CREB3L2: variants seen among roughly 807,000 people sequenced by gnomAD.
CREB3L2 encodes cyclic AMP-responsive element-binding protein 3-like protein 2.
Under a neutral mutation model 57.2 loss-of-function variants are expected in CREB3L2, and 23 were observed. The ratio of observed to expected loss-of-function variants is 0.40; its 90% CI spans 0.29 to 0.57. The LOEUF is 0.57. Ranked by LOEUF, CREB3L2 falls within the 20% of genes least tolerant of loss-of-function variation. CREB3L2 has a pLI of 0.42. For missense variants in CREB3L2, 628 were observed against 634.7 expected (o/e 0.99, Z 0.11); for synonymous variants, 268 against 265.1 (o/e 1.01, Z -0.11).
chr7:137,882,406 A>C lies in CREB3L2; in HGVS notation c.1487+6T>G. The C allele has an allele frequency of 6.2e-7, 1 of 1,609,036 alleles. No homozygotes were observed. The highest frequency in any genetic ancestry group is 8.5e-7 in the Non-Finnish European group (1 of 1,176,380). ...GAGGAGTTGGCTCTGTGTCTCTATG[A>C]CTCACAGGTGCTGCTGCAGCTCCAA... is the stretch of plus-strand genomic sequence containing the variant. On this transcript the variant is annotated splice_donor_region_variant and intron_variant, in intron 11 of 11. Coordinates refer to ENST00000330387, the MANE Select transcript of CREB3L2 (RefSeq NM_194071.4).
At chr7:137,984,542 C>T (rs916700289) in intron 1 of CREB3L2, among the ~76,000 whole-genome samples, 13 of 152,252 alleles carry the variant, frequency 8.5e-5, no homozygotes, top group Non-Finnish European at 1.3e-4. Flanking sequence ...TACACTAGCC[C>T]TGGAGGGCCT....
In CREB3L2 at chr7:137,911,834, T is replaced by C. The variant is rs559936548; in HGVS notation, c.583+1157A>G. On this transcript the variant is annotated intron_variant, in intron 4 of 11. Transcript: ENST00000330387. ...GCCTGAGCAACAGAGTAAGACCCTGTTTCACACACAAAAAATAAATAAATA... is the reference window on the plus strand; with the variant it reads ...GCCTGAGCAACAGAGTAAGACCCTGCTTCACACACAAAAAATAAATAAATA... 2.6e-5 allele frequency among the ~76,000 whole-genome samples: 4 copies of C among 152,140 alleles called. No homozygotes were observed. In the East Asian group the frequency reaches 7.8e-4, roughly 29 times the overall value.
intron 1 of CREB3L2, among the ~76,000 whole-genome samples, chr7:137,977,941 A>C (rs1301815122): frequency 6.9e-6 from 1 of 145,716 alleles, no homozygotes; most frequent in Non-Finnish European, 1.5e-5. Flanking sequence ...AAAAAAGGAA[A>C]GGAAAGGAAA....
intron 1 of CREB3L2, among the ~76,000 whole-genome samples, chr7:137,965,693 G>A (rs1801396618): frequency 6.6e-6 from 1 of 152,168 alleles, no homozygotes; most frequent in Admixed American, 6.5e-5. Context: ...GCAACTATCT[G>A]CAAAGCTCTC....
At chr7:137,965,340 C>A (rs190001445) in intron 1 of CREB3L2, among the ~76,000 whole-genome samples, 2 of 152,280 alleles carry the variant, frequency 1.3e-5, no homozygotes, top group East Asian at 3.9e-4. Context: ...TATATTTACA[C>A]TCGTTGAGGA....
intron 6 of CREB3L2, among the ~76,000 whole-genome samples, chr7:137,904,867 A>C (rs535711939): frequency 3.1e-4 from 47 of 151,890 alleles, no homozygotes; most frequent in Middle Eastern, 3.4e-3. Context: ...GAAAGAAAAG[A>C]AAAGAAAACA....
At chr7:137,934,272 C>A (rs1036741420) in intron 1 of CREB3L2, among the ~76,000 whole-genome samples, 5 of 152,036 alleles carry the variant, frequency 3.3e-5, no homozygotes, top group African/African-American at 1.2e-4. Context: ...CTTATTGTTT[C>A]TCCTAGGAAA....
chr7:137,880,563 T>G lies in CREB3L2; in HGVS notation c.1488-12A>C. On this transcript the variant is annotated splice_polypyrimidine_tract_variant and intron_variant, in intron 11 of 11. Coordinates refer to ENST00000330387, the MANE Select transcript of CREB3L2 (RefSeq NM_194071.4). The surrounding 1 kb of genome is among the most constrained non-coding windows in gnomAD (Gnocchi z 4.0). ...GTTTGGCGCTGACCCTGTGAAGGCA[T>G]TAAAAGGAAAACGAAGTATTAGTCA... 1 of 1,607,682 alleles carries G rather than the reference T, an allele frequency of 6.2e-7. No individual in the cohort carries two copies. Among genetic ancestry groups the G allele is most frequent in the Non-Finnish European group, 8.5e-7 (1 of 1,174,342 alleles).
chr7:137,956,713 C>A, intron 1 of CREB3L2: 1 of 1,110,546 alleles, frequency 9.0e-7, no homozygotes, highest in South Asian at 1.3e-5. Context: ...ATTTCACAAT[C>A]CAGGTTCTGA....
At chr7:137,922,826 C>T (rs1800366350) in intron 2 of CREB3L2, 1 of 181,164 alleles carries the variant, frequency 5.5e-6, no homozygotes, top group Non-Finnish European at 1.2e-5. Flanking sequence ...AATCCTTTAG[C>T]ATTTCATTTG....
chr7:137,907,564 A>G (rs906800585), intron 5 of CREB3L2, among the ~76,000 whole-genome samples: 1 of 152,234 alleles, frequency 6.6e-6, no homozygotes, highest in Non-Finnish European at 1.5e-5. Flanking sequence ...TACTTACAGA[A>G]TTTTAAAACA....
intron 1 of CREB3L2, among the ~76,000 whole-genome samples, chr7:137,993,432 A>G (rs537711465): frequency 6.6e-6 from 1 of 152,314 alleles, no homozygotes; most frequent in South Asian, 2.1e-4. Context: ...AAAGATATCA[A>G]CACTGAATTA....
chr7:137,915,727 T>A (rs1490174179), intron 3 of CREB3L2, 110 bp downstream of exon 3: 5 of 917,558 alleles, frequency 5.4e-6, no homozygotes, highest in Non-Finnish European at 8.3e-6. Context: ...TGCATGTCCT[T>A]AAATGTACAC....
chr7:137,986,194 A>T (rs1801789737), intron 1 of CREB3L2, among the ~76,000 whole-genome samples: 1 of 152,248 alleles, frequency 6.6e-6, no homozygotes, highest in African/African-American at 2.4e-5. Flanking sequence ...TCATCCATTC[A>T]TTCACCAAAC....
intron 7 of CREB3L2, among the ~76,000 whole-genome samples, chr7:137,902,666 T>G (rs898487300): frequency 6.6e-6 from 1 of 152,234 alleles, no homozygotes; most frequent in Non-Finnish European, 1.5e-5. Flanking sequence ...TATTTGTATA[T>G]AACCTTTACA....
At chr7:137,994,564 T>C (rs951056640) in intron 1 of CREB3L2, among the ~76,000 whole-genome samples, 2 of 152,106 alleles carry the variant, frequency 1.3e-5, no homozygotes, top group African/African-American at 4.8e-5. Flanking sequence ...CACCCCTCCC[T>C]AGCCTTTCCC....
intron 10 of CREB3L2, 170 bp downstream of exon 10, chr7:137,884,825 G>A: frequency 2.5e-6 from 2 of 808,812 alleles, no homozygotes; most frequent in Non-Finnish European, 4.2e-6. Context: ...GCAGTCCAGT[G>A]GATGAGGGGC....
chr7:137,972,689 A>ACAAAAC (rs1237010381), intron 1 of CREB3L2, among the ~76,000 whole-genome samples: 6 of 30,824 alleles, frequency 1.9e-4, no homozygotes, highest in African/African-American at 1.4e-3. Flanking sequence ...CTCTACAAAA[A>ACAAAAC]AAAAAAAAAA....
At chr7:137,973,005 T>C (rs990709327) in intron 1 of CREB3L2, among the ~76,000 whole-genome samples, 1 of 151,502 alleles carries the variant, frequency 6.6e-6, no homozygotes, top group Admixed American at 6.6e-5. Context: ...TCAGGGCCTC[T>C]ATGAAAATAT....
Sources: gnomAD v4.1 joint callset for allele counts (sites outside exome capture counted in the v4.1 genomes callset) on GRCh38, gnomAD v4.1.1 for gene constraint, Gnocchi (gnomAD v3.1) non-coding constraint, MANE v1.5 for transcripts, NCBI Gene and HGNC (gene_info 2026-07-23, HGNC 2026-07-21) for gene names.